Variants in PPA2 observed in about 807,000 individuals in gnomAD.
PPA2 encodes inorganic pyrophosphatase 2.
Under a neutral mutation model 49.5 loss-of-function variants are expected in PPA2, and 48 were observed. The ratio of observed to expected loss-of-function variants is 0.97; its 90% CI spans 0.77 to 1.23. The LOEUF is 1.23. Among genes scored for constraint, PPA2 ranks in the 50% most tolerant of loss-of-function variants. PPA2 has a pLI of 0.00. For synonymous variants in PPA2, 131 were observed against 139.9 expected (o/e 0.94, Z 0.45); for missense variants, 429 against 410.1 (o/e 1.05, Z -0.40).
chr4:105,395,530 C>T (rs377435900), intron 9 of PPA2, among the ~76,000 whole-genome samples: 2 of 152,128 alleles, frequency 1.3e-5, no homozygotes, highest in Non-Finnish European at 2.9e-5. Flanking sequence ...TGTGGAAGAA[C>T]TGTTTCTGTG....
chr4:105,449,949 G>C (rs1722596391), intron 3 of PPA2, among the ~76,000 whole-genome samples: 1 of 152,130 alleles, frequency 6.6e-6, no homozygotes. Context: ...CTATTACAGA[G>C]TTCACAAAGA....
intron 1 of PPA2, among the ~76,000 whole-genome samples, chr4:105,468,219 C>T (rs1418323456): frequency 6.6e-6 from 1 of 152,144 alleles, no homozygotes; most frequent in African/African-American, 2.4e-5. Flanking sequence ...ATTCCTTATC[C>T]GGCCCTTTAC....
chr4:105,407,246 T>C lies in PPA2; in HGVS notation c.656-8082A>G, dbSNP rs538096694. Among the ~76,000 whole-genome samples the C allele has an allele frequency of 8.5e-5, 13 of 152,286 alleles. 1 individual carries two copies. Among genetic ancestry groups the C allele is most frequent in the African/African-American group, 2.4e-4 (10 of 41,570 alleles). ...TACATGGGTATGAAGATGGCAAATATGTGGGCAAATGTAAAAGACACATGT... is the reference window on the plus strand; with the variant it reads ...TACATGGGTATGAAGATGGCAAATACGTGGGCAAATGTAAAAGACACATGT... On this transcript the variant is annotated intron_variant, in intron 7 of 11. Transcript: ENST00000341695.
chr4:105,376,955 C>A (rs41485844), intron 10 of PPA2, among the ~76,000 whole-genome samples: 5,014 of 152,192 alleles, frequency 0.033, 278 homozygotes, highest in African/African-American at 0.11. Flanking sequence ...TTGCATAATG[C>A]CTAGAGTGTT....
chr4:105,390,170 A>G (rs993992225), intron 9 of PPA2, among the ~76,000 whole-genome samples: 1 of 152,230 alleles, frequency 6.6e-6, no homozygotes, highest in East Asian at 1.9e-4. Context: ...CTCACGATGG[A>G]TTAAAAACTT....
chr4:105,456,918 G>T (rs1722896614), intron 1 of PPA2, among the ~76,000 whole-genome samples, 173 bp from the exon 2 acceptor site: 1 of 151,898 alleles, frequency 6.6e-6, no homozygotes, highest in African/African-American at 2.4e-5. Context: ...ACCATCTAAG[G>T]ACCGAAAAGA....
rs1391593298 is a variant in PPA2 at position 105,454,449 on chromosome 4, G to C, written c.223-807C>G. On this transcript the variant is annotated intron_variant, in intron 2 of 11. Coordinates refer to ENST00000341695, the MANE Select transcript of PPA2 (RefSeq NM_176869.3). ...GGGTTCACGCCATTCTCCTGCCTCA[G>C]CCTCCCGAGTAGCTGGGACTACAGG... Among the ~76,000 whole-genome samples, 6 of 152,080 alleles carry C rather than the reference G, an allele frequency of 3.9e-5. No homozygotes were observed. The East Asian group carries it at 1.2e-3, about 29-fold the overall frequency.
chr4:105,437,628 C>T (rs1486787281), intron 6 of PPA2, among the ~76,000 whole-genome samples: 1 of 152,136 alleles, frequency 6.6e-6, no homozygotes, highest in Non-Finnish European at 1.5e-5. Context: ...TAATAAAAGG[C>T]TTTGTAGACT....
chr4:105,456,642 A>G, intron 2 of PPA2, 39 bp downstream of exon 2: 2 of 1,484,376 alleles, frequency 1.3e-6, no homozygotes, highest in East Asian at 4.6e-5. Flanking sequence ...TGATACTGGC[A>G]GTACACGTTT....
intron 1 of PPA2, among the ~76,000 whole-genome samples, chr4:105,469,775 T>A (rs1447701277): frequency 6.6e-6 from 1 of 152,248 alleles, no homozygotes; most frequent in Non-Finnish European, 1.5e-5. Context: ...TTGTGTTCCA[T>A]TATATCAGTT....
At position 105,399,044 on chromosome 4, in the gene PPA2, T is replaced by C. The variant is rs1734255366; in HGVS notation, c.776A>G (p.Lys259Arg). 1 of 1,608,842 alleles carries C rather than the reference T, an allele frequency of 6.2e-7. No individual in the cohort carries two copies. The highest frequency in any genetic ancestry group is 2.2e-5 in the East Asian group (1 of 44,830). The change falls in exon 8 of 12, where the codon AAA (lysine) becomes AGA (arginine). Residue 259 changes from lysine to arginine, a missense_variant. Transcript: ENST00000341695. ...AAAGATTCTCATCTTCACCTTGTTT[T>C]TGAATTCTCCATTAAAAGCAAACTG... is the stretch of plus-strand genomic sequence containing the variant. Reference protein sequence around the residue: ...ENQFAFNGEFKNKAFALEVIK... With the variant: ...ENQFAFNGEFRNKAFALEVIK...
chr4:105,399,056 T>C lies in PPA2; in HGVS notation c.764A>G (p.Asn255Ser). ...CTTCACCTTGTTTTTGAATTCTCCA[T>C]TAAAAGCAAACTGGTTTTCTGGTTT... ...DGKPENQFAF[N>S]GEFKNKAFAL... is the part of the protein sequence containing the mutation. The change falls in exon 8 of 12, where the codon AAT becomes AGT. Residue 255 changes from asparagine (N) to serine (S), a missense_variant. Physicochemically the swap from Asn to Ser is conservative, Grantham distance 46. Coordinates refer to ENST00000341695, the MANE Select transcript of PPA2 (RefSeq NM_176869.3). 6.2e-7 allele frequency: 1 copy of C among 1,610,016 alleles called. No individual in the cohort carries two copies.
chr4:105,450,317 G>A (rs1486425948), intron 3 of PPA2, among the ~76,000 whole-genome samples: 4 of 151,606 alleles, frequency 2.6e-5, no homozygotes, highest in African/African-American at 9.7e-5. Flanking sequence ...ATTTAAAAGA[G>A]CAATTTTTAT....
At chr4:105,387,053 ATCTCTT>A (rs1251092603) in intron 9 of PPA2, among the ~76,000 whole-genome samples, 2 of 152,192 alleles carry the variant, frequency 1.3e-5, no homozygotes, top group African/African-American at 4.8e-5. Context: ...TTTTTGCGGA[ATCTCTT>A]TCACAGATAA....
intron 3 of PPA2, among the ~76,000 whole-genome samples, chr4:105,453,203 C>T (rs1347648680): frequency 2.0e-5 from 3 of 152,128 alleles, no homozygotes; most frequent in African/African-American, 7.2e-5. Context: ...CAGTCAAATT[C>T]ATAAGACAGA....
intron 7 of PPA2, among the ~76,000 whole-genome samples, chr4:105,403,948 G>T (rs1468824912): frequency 6.6e-6 from 1 of 150,878 alleles, no homozygotes; most frequent in East Asian, 1.9e-4. Context: ...TGCACCAGGG[G>T]TGTTTCTAAT....
chr4:105,410,387 A>G (rs1187963028), intron 7 of PPA2, among the ~76,000 whole-genome samples: 1 of 152,216 alleles, frequency 6.6e-6, no homozygotes, highest in East Asian at 1.9e-4. Context: ...AGAAATGAAT[A>G]AAGCCTCCAA....
chr4:105,403,139 T>G (rs1039360524), intron 7 of PPA2, among the ~76,000 whole-genome samples: 4 of 152,090 alleles, frequency 2.6e-5, no homozygotes, highest in African/African-American at 9.7e-5. Context: ...TTCATCCACT[T>G]TCGATTTCCA....
At chr4:105,473,177 G>C (rs998095619) in intron 1 of PPA2, among the ~76,000 whole-genome samples, 1 of 152,214 alleles carries the variant, frequency 6.6e-6, no homozygotes, top group Non-Finnish European at 1.5e-5. Context: ...GGAACAATGA[G>C]TCACGAAGAC....
Sources: gnomAD v4.1 joint callset for allele counts (sites outside exome capture counted in the v4.1 genomes callset) on GRCh38, gnomAD v4.1.1 for gene constraint, MANE v1.5 for transcripts, NCBI Gene and HGNC (gene_info 2026-07-23, HGNC 2026-07-21) for gene names.